Variants in RSU1 observed in about 807,000 individuals in gnomAD.
The protein encoded by RSU1 is Ras suppressor protein 1.
In RSU1, 26 loss-of-function variants were observed where a neutral mutation model predicts 31.1. That is an observed-to-expected ratio of 0.84 (90% confidence interval 0.61 to 1.16). The LOEUF (loss-of-function observed/expected upper bound fraction) is 1.16. RSU1 is among the 50% of genes most tolerant of loss of function. The pLI is 0.00. For missense variants in RSU1, 320 were observed against 339.1 expected (o/e 0.94, Z 0.44); for synonymous variants, 164 against 136.3 (o/e 1.20, Z -1.41).
intron 3 of RSU1, among the ~76,000 whole-genome samples, chr10:16,775,189 C>T (rs1193525436): frequency 6.6e-6 from 1 of 152,026 alleles, no homozygotes; most frequent in South Asian, 2.1e-4. Context: ...AGGGCATCAA[C>T]TGAAAATGTA....
At chr10:16,728,933 T>C (rs1836449856) in intron 7 of RSU1, among the ~76,000 whole-genome samples, 1 of 152,190 alleles carries the variant, frequency 6.6e-6, no homozygotes, top group African/African-American at 2.4e-5. Flanking sequence ...ATGTGGAGTC[T>C]AATTCAGTGA....
intron 8 of RSU1, among the ~76,000 whole-genome samples, chr10:16,620,695 A>T (rs575566710): frequency 6.6e-6 from 1 of 152,122 alleles, no homozygotes; most frequent in Admixed American, 6.5e-5. Flanking sequence ...AACACAAAAA[A>T]TTAGCTGGGT....
chr10:16,677,887 A>G (rs911659779), intron 8 of RSU1, among the ~76,000 whole-genome samples: 5 of 152,172 alleles, frequency 3.3e-5, no homozygotes, highest in African/African-American at 4.8e-5. Flanking sequence ...CGCAGTTTCT[A>G]TTGGGAATGC....
chr10:16,659,203 G>C (rs1409399472), intron 8 of RSU1, among the ~76,000 whole-genome samples: 2 of 150,938 alleles, frequency 1.3e-5, no homozygotes, highest in Non-Finnish European at 3.0e-5. Context: ...TAAAGAGAAA[G>C]TTCATTTTAA....
chr10:16,668,611 C>T lies in RSU1; in HGVS notation c.731+26412G>A, dbSNP rs141987416. ...ATTTAATTGAACATGGTTTTTTTTC[C>T]CCCCAAGTTTTACTGCTTTCCCTGG... is the stretch of plus-strand genomic sequence containing the variant. On this transcript the variant is annotated intron_variant, in intron 8 of 8. Coordinates refer to ENST00000345264, the MANE Select transcript of RSU1 (RefSeq NM_012425.4). Among the ~76,000 whole-genome samples, 1,337 of 151,618 alleles carry T rather than the reference C, an allele frequency of 8.8e-3. 4 individuals carry two copies. Among genetic ancestry groups the T allele is most frequent in the Non-Finnish European group, 0.014 (953 of 67,872 alleles).
intron 4 of RSU1, among the ~76,000 whole-genome samples, chr10:16,762,514 GAA>G (rs140981728): frequency 5.0e-5 from 7 of 139,562 alleles, no homozygotes; most frequent in South Asian, 2.3e-4. Flanking sequence ...TTTGTAGGGA[GAA>G]AAAAAAAAAA....
intron 2 of RSU1, among the ~76,000 whole-genome samples, chr10:16,803,805 C>G (rs1175196841): frequency 6.6e-6 from 1 of 152,116 alleles, no homozygotes; most frequent in South Asian, 2.1e-4. Context: ...TAGACAAAGA[C>G]CTAACATCGT....
At chr10:16,792,452 C>T (rs1273420380) in intron 2 of RSU1, among the ~76,000 whole-genome samples, 5 of 152,142 alleles carry the variant, frequency 3.3e-5, no homozygotes, top group African/African-American at 7.2e-5. Context: ...AAGCTGGTCT[C>T]GAACTCCCGA....
At chr10:16,597,154 T>C (rs1221965329) in intron 8 of RSU1, among the ~76,000 whole-genome samples, 1 of 152,060 alleles carries the variant, frequency 6.6e-6, no homozygotes, top group African/African-American at 2.4e-5. Flanking sequence ...CAGTAGGAAT[T>C]GAGAGGAATT....
At chr10:16,697,986 C>A in intron 7 of RSU1, among the ~76,000 whole-genome samples, 1 of 109,180 alleles carries the variant, frequency 9.2e-6, no homozygotes, top group Admixed American at 1.0e-4. Flanking sequence ...CAGGAACACA[C>A]CTTTTTTTTT....
chr10:16,610,718 T>C (rs72782545), intron 8 of RSU1, among the ~76,000 whole-genome samples: 6,675 of 152,230 alleles, frequency 0.044, 197 homozygotes, highest in Non-Finnish European at 0.07. Flanking sequence ...GTAATAATAA[T>C]AGAAATAAGG....
At chr10:16,635,980 G>A (rs1834337860) in intron 8 of RSU1, among the ~76,000 whole-genome samples, 1 of 152,110 alleles carries the variant, frequency 6.6e-6, no homozygotes, top group Admixed American at 6.5e-5. Flanking sequence ...AGGACACTGC[G>A]CCCTCTCGGT....
chr10:16,763,436 C>T (rs1414129659), intron 4 of RSU1, among the ~76,000 whole-genome samples: 3 of 152,130 alleles, frequency 2.0e-5, no homozygotes, highest in East Asian at 1.9e-4. Flanking sequence ...GGAGGTGCTA[C>T]GCACTTTTAA....
At chr10:16,817,233 A>C in intron 1 of RSU1, 82 bp downstream of exon 1, 2 of 396,092 alleles carry the variant, frequency 5.0e-6, no homozygotes, top group Non-Finnish European at 8.3e-6. Flanking sequence ...GGGTGCGGGG[A>C]GGGGATGGAG....
At chr10:16,599,336 C>T (rs1833675843) in intron 8 of RSU1, among the ~76,000 whole-genome samples, 1 of 152,220 alleles carries the variant, frequency 6.6e-6, no homozygotes, top group South Asian at 2.1e-4. Flanking sequence ...ATCTCCTTCA[C>T]CTGGGAAACG....
At chr10:16,696,776 T>C (rs988998278) in intron 7 of RSU1, among the ~76,000 whole-genome samples, 2 of 152,204 alleles carry the variant, frequency 1.3e-5, no homozygotes, top group Non-Finnish European at 2.9e-5. Context: ...AGGGGTGGTA[T>C]GCATTCTGCT....
rs139770716 is a variant in RSU1, at chr10:16,678,185, G to A, written c.731+16838C>T. Reference sequence around the variant, plus strand: ...CCTAACAAAACAAAACAAACCCAACGTAGAAATCCATTTTCTTGCTTTTTC... The same window carrying A: ...CCTAACAAAACAAAACAAACCCAACATAGAAATCCATTTTCTTGCTTTTTC... On this transcript the variant is annotated intron_variant, in intron 8 of 8. Coordinates refer to ENST00000345264, the MANE Select transcript of RSU1 (RefSeq NM_012425.4). Among the ~76,000 whole-genome samples the A allele has an allele frequency of 2.9e-3, 447 of 152,206 alleles. 3 individuals carry two copies. Among genetic ancestry groups the A allele is most frequent in the African/African-American group, 0.01 (429 of 41,528 alleles).
At chr10:16,660,645 C>CTCTTTTTTTT (rs1554764414) in intron 8 of RSU1, among the ~76,000 whole-genome samples, 3 of 79,546 alleles carry the variant, frequency 3.8e-5, no homozygotes, top group African/African-American at 1.8e-4. Flanking sequence ...CTTGAACTCT[C>CTCTTTTTTTT]TTTTTTTTTT....
chr10:16,795,037 C>T (rs1837998641), intron 2 of RSU1, among the ~76,000 whole-genome samples: 1 of 152,192 alleles, frequency 6.6e-6, no homozygotes, highest in Non-Finnish European at 1.5e-5. Flanking sequence ...GAGCACTTTA[C>T]ATATGTGTTC....
Sources: allele counts gnomAD v4.1 joint callset (sites outside exome capture counted in the v4.1 genomes callset), GRCh38; gene constraint gnomAD v4.1.1; transcripts MANE v1.5; gene names NCBI Gene and HGNC (gene_info 2026-07-23, HGNC 2026-07-21).